CNST: variants seen among roughly 807,000 people sequenced by gnomAD.
The protein encoded by CNST is consortin, connexin sorting protein, also known as consortin.
In CNST, 39 loss-of-function variants were observed where a neutral mutation model predicts 72.4. The observed-to-expected ratio is 0.54, with a 90% CI of 0.42 to 0.70. The LOEUF (loss-of-function observed/expected upper bound fraction) is 0.70, where lower values mean the gene tolerates loss of function less well. CNST is among the 30% of genes least tolerant of loss of function. CNST has a pLI of 0.00. For synonymous variants in CNST, 332 were observed against 320.1 expected, an observed-to-expected ratio of 1.04 and a Z score of -0.40; for missense variants, 871 against 868.5, an observed-to-expected ratio of 1.00 and a Z score of -0.04.
At chr1:246,646,582 G>A (rs1327462711) in intron 8 of CNST, among the ~76,000 whole-genome samples, 1 of 152,098 alleles carries the variant, frequency 6.6e-6, no homozygotes, top group Non-Finnish European at 1.5e-5. Flanking sequence ...CCGGGTTCAA[G>A]CAATTCTCTT....
At chr1:246,643,046 G>A (rs563736776) in intron 8 of CNST, among the ~76,000 whole-genome samples, 11 of 150,078 alleles carry the variant, frequency 7.3e-5, no homozygotes, top group African/African-American at 1.5e-4. Context: ...ACACCACGGC[G>A]CCCCAGTTAA....
In CNST at chr1:246,644,359, G is replaced by A. The variant is rs189013457; in HGVS notation, c.937+2322G>A. Among the ~76,000 whole-genome samples, 245 of 132,360 alleles carry A rather than the reference G, an allele frequency of 1.9e-3. 4 individuals carry two copies. Among genetic ancestry groups the A allele is most frequent in the African/African-American group, 6.6e-3 (232 of 35,048 alleles). The allele number at this position is 132,360 out of a possible 152,430, so 86.8% of individuals were successfully genotyped here. Reference sequence around the variant, plus strand: ...AGCTGAGATGGCGCCACTGCGCTCCGCCTGGGCGACAGAGCGAGACTCTGT... The same window carrying A: ...AGCTGAGATGGCGCCACTGCGCTCCACCTGGGCGACAGAGCGAGACTCTGT... On this transcript the variant is annotated intron_variant, in intron 8 of 10. Transcript: ENST00000366513.
intron 1 of CNST, among the ~76,000 whole-genome samples, chr1:246,586,357 TAC>T (rs1341631128): frequency 1.4e-5 from 2 of 147,962 alleles, no homozygotes; most frequent in African/African-American, 4.9e-5. Context: ...ATAAATAAGA[TAC>T]ATAGATATAT....
chr1:246,646,943 C>T (rs1399172567), intron 8 of CNST, among the ~76,000 whole-genome samples, 196 bp from the exon 9 acceptor site: 4 of 152,258 alleles, frequency 2.6e-5, no homozygotes, highest in South Asian at 2.1e-4. Context: ...TGAATAATCC[C>T]TGTTATGTAT....
intron 10 of CNST, 131 bp downstream of exon 10, chr1:246,660,465 C>T (rs1394090528): frequency 5.4e-6 from 5 of 919,136 alleles, no homozygotes; most frequent in African/African-American, 1.7e-5. Context: ...GTGGCTCACA[C>T]CTGTAATCCC....
intron 1 of CNST, among the ~76,000 whole-genome samples, chr1:246,574,321 G>T (rs1442357267): frequency 6.6e-6 from 1 of 152,174 alleles, no homozygotes; most frequent in Non-Finnish European, 1.5e-5. Flanking sequence ...GATTACAGGC[G>T]TGAGCCACCG....
At chr1:246,588,042 A>G (rs1451488150) in intron 1 of CNST, among the ~76,000 whole-genome samples, 1 of 151,920 alleles carries the variant, frequency 6.6e-6, no homozygotes, top group Non-Finnish European at 1.5e-5. Context: ...ACTTTGTCAC[A>G]TTTTTATCCT....
intron 3 of CNST, 71 bp from the exon 4 acceptor site, chr1:246,631,823 A>G: frequency 2.1e-6 from 2 of 961,778 alleles, no homozygotes; most frequent in South Asian, 2.8e-5. Context: ...CAAGATCTTA[A>G]TTTGTTTCAA....
At position 246,653,907 on chromosome 1, in the gene CNST, A is replaced by G. The variant is rs149988148; in HGVS notation, c.1836+5870A>G. Among the ~76,000 whole-genome samples, 275 of 152,308 alleles carry G rather than the reference A, an allele frequency of 1.8e-3. 1 individual carries two copies. Among genetic ancestry groups the G allele is most frequent in the African/African-American group, 6.3e-3 (264 of 41,582 alleles). Reference sequence around the variant, plus strand: ...GGAGCCAGTCAGGTATTAGAAGTCAATGAAATGAGTTAGGTGTAGAGTGAT... The same window carrying G: ...GGAGCCAGTCAGGTATTAGAAGTCAGTGAAATGAGTTAGGTGTAGAGTGAT... On this transcript the variant is annotated intron_variant, in intron 9 of 10. Coordinates refer to ENST00000366513, the MANE Select transcript of CNST (RefSeq NM_152609.3).
chr1:246,571,969 A>G (rs1660095714), intron 1 of CNST, among the ~76,000 whole-genome samples: 1 of 152,148 alleles, frequency 6.6e-6, no homozygotes, highest in South Asian at 2.1e-4. Context: ...CTGATTAAAT[A>G]ATCACATATT....
chr1:246,619,241 C>T (rs1482189828), intron 2 of CNST, among the ~76,000 whole-genome samples: 1 of 151,872 alleles, frequency 6.6e-6, no homozygotes, highest in Non-Finnish European at 1.5e-5. Context: ...TTTGGTTTTG[C>T]TGCTATGGTG....
rs146756551 is a variant in CNST, at chr1:246,605,536, G to A, written c.379+13595G>A. ...GGCTGAGGCCTAAAATGGCGTCAGCGCCACATGAGGACGGGGCAGGGGTTT... is the reference window on the plus strand; with the variant it reads ...GGCTGAGGCCTAAAATGGCGTCAGCACCACATGAGGACGGGGCAGGGGTTT... On this transcript the variant is annotated intron_variant, in intron 2 of 10. Coordinates refer to ENST00000366513, the MANE Select transcript of CNST (RefSeq NM_152609.3). 1.5e-3 allele frequency among the ~76,000 whole-genome samples: 232 copies of A among 152,314 alleles called. 1 individual carries two copies. The highest frequency in any genetic ancestry group is 5.4e-3 in the East Asian group (28 of 5,170).
At chr1:246,626,480 C>T (rs1442446484) in intron 3 of CNST, among the ~76,000 whole-genome samples, 2 of 80,608 alleles carry the variant, frequency 2.5e-5, no homozygotes, top group African/African-American at 4.7e-5. Flanking sequence ...TTTTTTGAGA[C>T]GGAGTCTCAC....
chr1:246,660,920 GT>G (rs1463041788), intron 10 of CNST, among the ~76,000 whole-genome samples: 2 of 151,824 alleles, frequency 1.3e-5, no homozygotes, highest in African/African-American at 4.8e-5. Flanking sequence ...GCTTAGTTCA[GT>G]TTCCCTCTTT....
intron 2 of CNST, among the ~76,000 whole-genome samples, chr1:246,613,983 T>C (rs373274197): frequency 9.2e-5 from 14 of 151,942 alleles, no homozygotes; most frequent in African/African-American, 3.4e-4. Context: ...CATGAGCCAC[T>C]GCACTTGGCC....
chr1:246,647,951 G>A lies in CNST; in HGVS notation c.1750G>A (p.Ala584Thr). Reference sequence around the variant, plus strand: ...CCTTCAAGATCTCTCTCCTGAAGAAGCATCCTATAGTCTCCAGGAGAATCT... The same window carrying A: ...CCTTCAAGATCTCTCTCCTGAAGAAACATCCTATAGTCTCCAGGAGAATCT... ...DLLQDLSPEE[A>T]SYSLQENLPS... Residue 584 changes from alanine (A) to threonine (T), a missense_variant, in exon 9 of 11, where the codon GCA becomes ACA. Ala to Thr is a moderately conservative substitution (Grantham distance 58). Transcript: ENST00000366513. 3.7e-6 allele frequency: 6 copies of A among 1,613,192 alleles called. No homozygotes were observed. Among genetic ancestry groups the A allele is most frequent in the Non-Finnish European group, 5.1e-6 (6 of 1,179,418 alleles).
chr1:246,652,590 T>G (rs531755238), intron 9 of CNST, among the ~76,000 whole-genome samples: 1 of 152,326 alleles, frequency 6.6e-6, no homozygotes, highest in East Asian at 1.9e-4. Flanking sequence ...TGCAGAAATG[T>G]CATATGTTCA....
chr1:246,660,676 G>A (rs77069129), intron 10 of CNST, among the ~76,000 whole-genome samples: 1 of 152,098 alleles, frequency 6.6e-6, no homozygotes, highest in African/African-American at 2.4e-5. Context: ...TGAGCCAAGA[G>A]CGTGCCACTG....
chr1:246,665,895 A>T lies in CNST; in HGVS notation c.2168A>T (p.Tyr723Phe), dbSNP rs763149198. 2.5e-6 allele frequency: 4 copies of T among 1,610,310 alleles called. No homozygotes were observed. In the South Asian group the frequency reaches 4.4e-5, roughly 18 times the overall value. Residue 723 changes from tyrosine (Y) to phenylalanine (F), a missense_variant, in exon 11 of 11, where the codon TAC (tyrosine) becomes TTC (phenylalanine). Physicochemically the swap from Tyr to Phe is conservative, Grantham distance 22. Transcript: ENST00000366513. ...QGVAELKHWI[Y>F]LS ...GTGGCAGAACTGAAGCACTGGATCT[A>T]CCTCTCCTAGCAGCATTCCAGACAC...
Sources: allele counts gnomAD v4.1 joint callset (sites outside exome capture counted in the v4.1 genomes callset), GRCh38; gene constraint gnomAD v4.1.1; transcripts MANE v1.5; gene names NCBI Gene and HGNC (gene_info 2026-07-23, HGNC 2026-07-21).